Variants in CATSPERB observed in about 807,000 individuals in gnomAD.
The protein encoded by CATSPERB is catsper channel auxiliary subunit beta, also known as cation channel sperm-associated auxiliary subunit beta.
Under a neutral mutation model 128.3 loss-of-function variants are expected in CATSPERB, and 93 were observed. The observed-to-expected ratio is 0.72, with a 90% CI of 0.61 to 0.86. CATSPERB has a LOEUF of 0.86. CATSPERB is among the 40% of genes least tolerant of loss of function. CATSPERB has a pLI of 0.00. For missense variants in CATSPERB, 1,153 were observed against 1,329.5 expected, an observed-to-expected ratio of 0.87 and a Z score of 2.06; for synonymous variants, 381 against 448.8, an observed-to-expected ratio of 0.85 and a Z score of 1.91.
chr14:91,586,771 G>C (rs1230167066), intron 26 of CATSPERB, among the ~76,000 whole-genome samples: 4 of 152,238 alleles, frequency 2.6e-5, no homozygotes, highest in African/African-American at 9.6e-5. Context: ...AATTCCTTTG[G>C]ATCTTGAAAG....
At chr14:91,591,121 G>C (rs1893392588) in intron 23 of CATSPERB, among the ~76,000 whole-genome samples, 1 of 151,746 alleles carries the variant, frequency 6.6e-6, no homozygotes, top group Non-Finnish European at 1.5e-5. Flanking sequence ...GCAGTGGTGC[G>C]ATCTCTGCTT....
chr14:91,591,613 C>T (rs1625151), intron 23 of CATSPERB, among the ~76,000 whole-genome samples: 127,443 of 151,354 alleles, frequency 0.84, 53,856 homozygotes, highest in East Asian at 0.96. Context: ...TTCGTATACA[C>T]AGGGGTGTGT....
At chr14:91,632,256 C>G (rs184691573) in intron 17 of CATSPERB, among the ~76,000 whole-genome samples, 4 of 151,830 alleles carry the variant, frequency 2.6e-5, no homozygotes, top group African/African-American at 9.7e-5. Flanking sequence ...TAGTATACCA[C>G]GAAAATATTA....
intron 14 of CATSPERB, among the ~76,000 whole-genome samples, chr14:91,663,420 C>A (rs963514291): frequency 6.6e-6 from 1 of 151,904 alleles, no homozygotes; most frequent in South Asian, 2.1e-4. Flanking sequence ...CTGAGGCAGG[C>A]GGATCACGAG....
chr14:91,582,642 C>T (rs1337253492), intron 26 of CATSPERB, among the ~76,000 whole-genome samples: 4 of 152,146 alleles, frequency 2.6e-5, no homozygotes, highest in Non-Finnish European at 4.4e-5. Flanking sequence ...TTGAGTGGTA[C>T]CTTTGCTTTA....
intron 22 of CATSPERB, chr14:91,604,706 G>C (rs1893667906): frequency 1.2e-6 from 2 of 1,613,584 alleles, no homozygotes; most frequent in Admixed American, 3.3e-5. Context: ...GTTGCTCCAG[G>C]TTGAATTGTT....
chr14:91,674,309 A>T, intron 11 of CATSPERB, 87 bp from the exon 12 acceptor site: 1 of 749,384 alleles, frequency 1.3e-6, no homozygotes, highest in South Asian at 1.8e-5. Flanking sequence ...TCTTCATGAA[A>T]ATCATAGAAA....
chr14:91,606,004 C>T lies in CATSPERB; in HGVS notation c.2709+2290G>A, dbSNP rs143448686. On this transcript the variant is annotated intron_variant, in intron 22 of 26. Transcript: ENST00000256343. The stretch of plus-strand genomic sequence containing the variant: ...CAGCCTGGCCAACATGGTGAAACCC[C>T]GTCTCTACTAAAAATACAAAAATTA... 5.7e-3 allele frequency among the ~76,000 whole-genome samples: 860 copies of T among 151,996 alleles called. 8 individuals are homozygous for T. Among genetic ancestry groups the T allele is most frequent in the African/African-American group, 0.02 (812 of 41,444 alleles).
chr14:91,635,000 A>G (rs1333518438), intron 17 of CATSPERB, among the ~76,000 whole-genome samples: 2 of 151,952 alleles, frequency 1.3e-5, no homozygotes, highest in African/African-American at 4.8e-5. Context: ...CAGATTTGGT[A>G]TCTGGTGAGG....
chr14:91,660,582 C>T lies in CATSPERB; in HGVS notation c.1288-601G>A, dbSNP rs535322530. ...TGTTTGAGGATAAAACAGATCAATT[C>T]TGTATTATGATTCCCAGTTGCTACC... is the stretch of plus-strand genomic sequence containing the variant. On this transcript the variant is annotated intron_variant, in intron 14 of 26. Coordinates refer to ENST00000256343, the MANE Select transcript of CATSPERB (RefSeq NM_024764.4). Among the ~76,000 whole-genome samples, 4 of 152,300 alleles carry T rather than the reference C, an allele frequency of 2.6e-5. No individual in the cohort carries two copies. In the South Asian group the frequency reaches 8.3e-4, roughly 32 times the overall value.
chr14:91,659,720 A>G, intron 15 of CATSPERB, 117 bp downstream of exon 15: 1 of 957,424 alleles, frequency 1.0e-6, no homozygotes, highest in Non-Finnish European at 1.5e-6. Context: ...CTACAAATCC[A>G]TCACCCCTAA....
At chr14:91,672,514 G>GA (rs577611356) in intron 13 of CATSPERB, among the ~76,000 whole-genome samples, 1 of 151,818 alleles carries the variant, frequency 6.6e-6, no homozygotes, top group Non-Finnish European at 1.5e-5. Context: ...ACGTTTGGAA[G>GA]AAAAAAATAT....
Position 91,580,704 on chromosome 14 carries a change from A to T in CATSPERB, c.*185T>A, listed in dbSNP as rs1206885590. On this transcript the variant is annotated 3_prime_UTR_variant, in exon 27 of 27. Coordinates refer to ENST00000256343, the MANE Select transcript of CATSPERB (RefSeq NM_024764.4). ...AGATCTTCAACATAAGCCCTGGCAT[A>T]AGACATTTTCTATGTATTCAAAATA... is the stretch of plus-strand genomic sequence containing the variant. 1.6e-6 allele frequency: 1 copy of T among 610,714 alleles called. No individual in the cohort carries two copies. Among genetic ancestry groups the T allele is most frequent in the Non-Finnish European group, 2.9e-6 (1 of 350,054 alleles). The allele number at this position is 610,714 out of a possible 1,614,324, so 37.8% of individuals were successfully genotyped here. A position where few individuals can be genotyped will look rare whatever the true frequency, so the allele number is the denominator to read the frequency against.
In CATSPERB at chr14:91,608,297, T is replaced by C. The variant is rs199590674; in HGVS notation, c.2706A>G (p.Ser902=). Residue 902 remains serine, a synonymous_variant, in exon 22 of 27, where the codon TCA becomes TCG. Coordinates refer to ENST00000256343, the MANE Select transcript of CATSPERB (RefSeq NM_024764.4). The part of the protein sequence containing the change: ...KPIPRNMFHM[S]KKTGKFKQCA... ...TATTTGTAAAAAAGTTATTTACCTT[T>C]GACATGTGAAACATGTTTCTTGGTA... The C allele has an allele frequency of 2.5e-6, 4 of 1,583,994 alleles. No individual in the cohort carries two copies.
chr14:91,629,277 T>C (rs1894227369), intron 17 of CATSPERB, among the ~76,000 whole-genome samples: 1 of 152,192 alleles, frequency 6.6e-6, no homozygotes, highest in Admixed American at 6.5e-5. Context: ...CTGAAAAGGC[T>C]ATATACGGTA....
intron 11 of CATSPERB, among the ~76,000 whole-genome samples, chr14:91,679,574 G>T (rs906584310): frequency 2.6e-5 from 4 of 152,094 alleles, no homozygotes; most frequent in South Asian, 2.1e-4. Flanking sequence ...ATTTAAAAGG[G>T]TTAAGGTTTT....
At chr14:91,619,861 T>TTGTGTGTGTGTGTGTGTGTG (rs55687285) in intron 19 of CATSPERB, among the ~76,000 whole-genome samples, 6 of 139,126 alleles carry the variant, frequency 4.3e-5, no homozygotes, top group Middle Eastern at 3.9e-3. Context: ...TGTAATAAAA[T>TTGTGTGTGTGTGTGTGTGTG]TGTGTGTGTG....
chr14:91,607,635 C>G lies in CATSPERB; in HGVS notation c.2709+659G>C, dbSNP rs146551080. 2.2e-3 allele frequency among the ~76,000 whole-genome samples: 336 copies of G among 152,248 alleles called. 1 individual carries two copies. The highest frequency in any genetic ancestry group is 5.3e-3 in the Admixed American group (81 of 15,288). Reference sequence around the variant, plus strand: ...ATTTGGTTTTCACTCTGAATGAGATCGGAAGACAGTGGAGAGTTTTGAGCT... The same window carrying G: ...ATTTGGTTTTCACTCTGAATGAGATGGGAAGACAGTGGAGAGTTTTGAGCT... On this transcript the variant is annotated intron_variant, in intron 22 of 26. Transcript: ENST00000256343.
chr14:91,724,786 C>G (rs779418630), intron 3 of CATSPERB, among the ~76,000 whole-genome samples: 4 of 152,032 alleles, frequency 2.6e-5, no homozygotes, highest in Non-Finnish European at 5.9e-5. Flanking sequence ...ATCTGTCAGA[C>G]TTCAAAAGGA....
Sources: allele counts gnomAD v4.1 joint callset (sites outside exome capture counted in the v4.1 genomes callset), GRCh38; gene constraint gnomAD v4.1.1; transcripts MANE v1.5; gene names NCBI Gene and HGNC (gene_info 2026-07-23, HGNC 2026-07-21).